FRMD4A: variants seen among roughly 807,000 people sequenced by gnomAD.
FRMD4A encodes the protein FERM domain-containing protein 4A.
A neutral mutation model predicts 129.1 loss-of-function variants in FRMD4A; 29 were observed. The observed-to-expected ratio is 0.22, with a 90% confidence interval of 0.17 to 0.31. The LOEUF (loss-of-function observed/expected upper bound fraction) is 0.31. Ranked by LOEUF, FRMD4A falls within the 10% of genes least tolerant of loss-of-function variation. The pLI, the probability that FRMD4A is intolerant of heterozygous loss-of-function variation, is 1.00. For missense variants in FRMD4A, 1,272 were observed against 1,375.8 expected, an observed-to-expected ratio of 0.92 and a Z score of 1.19; for synonymous variants, 634 against 571.6, an observed-to-expected ratio of 1.11 and a Z score of -1.56.
chr10:13,796,997 G>C (rs988429776), intron 4 of FRMD4A, among the ~76,000 whole-genome samples: 1 of 152,208 alleles, frequency 6.6e-6, no homozygotes, highest in Non-Finnish European at 1.5e-5. Context: ...TGGGATTACA[G>C]GCGTGAGCCA....
Position 14,330,630 on chromosome 10 carries a change from A to T in FRMD4A, c.-115T>A, listed in dbSNP as rs1336273413. 1 of 398,742 alleles carries T rather than the reference A, an allele frequency of 2.5e-6. No individual in the cohort carries two copies. The highest frequency in any genetic ancestry group is 4.4e-6 in the Non-Finnish European group (1 of 226,684). The allele number at this position is 398,742 out of a possible 1,614,324, so 24.7% of individuals were successfully genotyped here. On this transcript the variant is annotated 5_prime_UTR_variant, in exon 1 of 25. Coordinates refer to ENST00000357447, the MANE Select transcript of FRMD4A (RefSeq NM_018027.5). ...ATCTGGTCAGTGTCTTCTTTGCTGC[A>T]GATAGGTGTGTCCCTTTTTGCAAAA...
At chr10:13,972,432 G>A in intron 2 of FRMD4A, 1 of 407,382 alleles carries the variant, frequency 2.5e-6, no homozygotes, top group Non-Finnish European at 3.3e-6. Flanking sequence ...CCCAAGTTTA[G>A]GTTGGGATTG....
chr10:14,167,313 C>T (rs1841235263), intron 2 of FRMD4A, among the ~76,000 whole-genome samples: 2 of 152,008 alleles, frequency 1.3e-5, no homozygotes, highest in East Asian at 1.9e-4. Context: ...GGGCAGATCA[C>T]TTGAGGTCGG....
At chr10:13,762,855 AG>A (rs34584008) in intron 6 of FRMD4A, among the ~76,000 whole-genome samples, 175 bp from the exon 7 acceptor site, 1 of 152,156 alleles carries the variant, frequency 6.6e-6, no homozygotes, top group Non-Finnish European at 1.5e-5. Flanking sequence ...TTAGCTGGGC[AG>A]GGTGGTGCAC....
At chr10:13,962,324 C>G (rs1186235555) in intron 2 of FRMD4A, among the ~76,000 whole-genome samples, 1 of 152,144 alleles carries the variant, frequency 6.6e-6, no homozygotes, top group Non-Finnish European at 1.5e-5. Context: ...ATGAAGATGA[C>G]AGTACTTGCC....
At chr10:14,084,000 G>A (rs1348018285) in intron 2 of FRMD4A, among the ~76,000 whole-genome samples, 2 of 152,138 alleles carry the variant, frequency 1.3e-5, no homozygotes, top group Non-Finnish European at 2.9e-5. Context: ...AATAGTAAAC[G>A]GGCACGTGTT....
At chr10:13,941,726 A>G (rs534618819) in intron 2 of FRMD4A, among the ~76,000 whole-genome samples, 66 of 152,340 alleles carry the variant, frequency 4.3e-4, no homozygotes, top group African/African-American at 1.4e-3. Flanking sequence ...TACAGGACAC[A>G]TGGCTGGCAT....
At chr10:13,936,705 T>C (rs964369847) in intron 2 of FRMD4A, among the ~76,000 whole-genome samples, 12 of 152,234 alleles carry the variant, frequency 7.9e-5, no homozygotes, top group African/African-American at 2.9e-4. Flanking sequence ...CTGTTGTTTA[T>C]GAGGCATCTA....
chr10:13,698,545 A>T (rs938665369), intron 14 of FRMD4A, among the ~76,000 whole-genome samples: 1 of 152,226 alleles, frequency 6.6e-6, no homozygotes, highest in Non-Finnish European at 1.5e-5. Context: ...TCTCTGATTT[A>T]ATTTGCGGGC....
rs1462556326 is a variant in FRMD4A, at chr10:13,644,712, A to T, written c.*2326T>A. 6.6e-6 allele frequency: 1 copy of T among 152,192 alleles called. No homozygotes were observed. The highest frequency in any genetic ancestry group is 2.4e-5 in the African/African-American group (1 of 41,426). The allele number at this position is 152,192 out of a possible 1,614,324, so 9.4% of individuals were successfully genotyped here. On this transcript the variant is annotated 3_prime_UTR_variant, in exon 25 of 25. Coordinates refer to ENST00000357447, the MANE Select transcript of FRMD4A (RefSeq NM_018027.5). ...TTTCCCTTTTGACTTTTCCTGTTGCACACAGTTCAGTCTGACTATCCATGA... is the reference window on the plus strand; with the variant it reads ...TTTCCCTTTTGACTTTTCCTGTTGCTCACAGTTCAGTCTGACTATCCATGA...
At chr10:13,901,423 C>G (rs1364924683) in intron 2 of FRMD4A, among the ~76,000 whole-genome samples, 1 of 151,906 alleles carries the variant, frequency 6.6e-6, no homozygotes, top group Non-Finnish European at 1.5e-5. Context: ...CCAGCCTGGC[C>G]AACATGGTGA....
intron 14 of FRMD4A, among the ~76,000 whole-genome samples, chr10:13,700,687 G>T (rs1483970019): frequency 2.6e-5 from 4 of 152,062 alleles, no homozygotes; most frequent in Non-Finnish European, 5.9e-5. Context: ...TGTGAACCAA[G>T]GAGACGTCAT....
At chr10:13,796,752 G>C (rs1243802013) in intron 4 of FRMD4A, among the ~76,000 whole-genome samples, 164 bp from the exon 5 acceptor site, 1 of 151,810 alleles carries the variant, frequency 6.6e-6, no homozygotes, top group Non-Finnish European at 1.5e-5. Context: ...ACTAAGTCTT[G>C]CTCTGTGACC....
chr10:14,083,709 G>A (rs1435072390), intron 2 of FRMD4A: 2 of 152,140 alleles, frequency 1.3e-5, no homozygotes, highest in Admixed American at 6.5e-5. Context: ...AGATGCTTCC[G>A]GCAGATTGCT....
intron 2 of FRMD4A, among the ~76,000 whole-genome samples, chr10:14,252,090 G>A (rs1480420623): frequency 6.6e-6 from 1 of 152,084 alleles, no homozygotes; most frequent in East Asian, 1.9e-4. Context: ...ATAGAAAAAC[G>A]AATGTCCAAT....
chr10:14,187,765 T>C (rs1329150910), intron 2 of FRMD4A, among the ~76,000 whole-genome samples: 1 of 152,102 alleles, frequency 6.6e-6, no homozygotes, highest in East Asian at 1.9e-4. Context: ...AATAAATACT[T>C]GGTAAAATAT....
intron 2 of FRMD4A, among the ~76,000 whole-genome samples, chr10:13,978,119 G>A (rs2095548416): frequency 6.6e-6 from 1 of 152,222 alleles, no homozygotes; most frequent in African/African-American, 2.4e-5. Context: ...CTAGCAGTGT[G>A]TGAAGGTTCC....
intron 2 of FRMD4A, among the ~76,000 whole-genome samples, chr10:14,273,113 T>A (rs941343434): frequency 6.6e-6 from 1 of 150,646 alleles, no homozygotes; most frequent in Middle Eastern, 3.2e-3. Flanking sequence ...CACATACAAA[T>A]AGGCATGGTG....
rs111933425 is a variant in FRMD4A at position 13,858,729 on chromosome 10, G to C, written c.111+118C>G. ...GGTGGGTCCTAGTCATTCTCTCACA[G>C]ATATTAACAGAGATTTAAAAACAGT... is the stretch of plus-strand genomic sequence containing the variant. On this transcript the variant is annotated intron_variant, in intron 3 of 24. Transcript: ENST00000357447. 9,768 of 741,138 alleles carry C rather than the reference G, an allele frequency of 0.013. 94 individuals are homozygous for C. The highest frequency in any genetic ancestry group is 0.016 in the Middle Eastern group (68 of 4,198). 45.9% of individuals were successfully genotyped at this position (741,138 alleles called of 1,614,324 possible).
Sources: gnomAD v4.1 joint callset for allele counts (sites outside exome capture counted in the v4.1 genomes callset) on GRCh38, gnomAD v4.1.1 for gene constraint, MANE v1.5 for transcripts, NCBI Gene and HGNC (gene_info 2026-07-23, HGNC 2026-07-21) for gene names.